The following TPD52L2 variants were observed in gnomAD, a reference collection of about 807,000 sequenced individuals.
The protein encoded by TPD52L2 is TPD52 like 2.
In TPD52L2, 19 loss-of-function variants were observed where a neutral mutation model predicts 24.7. The ratio of observed to expected loss-of-function variants is 0.77; its 90% CI spans 0.54 to 1.13. The LOEUF is 1.13. Ranked by LOEUF, TPD52L2 falls within the 50% of genes most tolerant of loss-of-function variation. The pLI, the probability that TPD52L2 is intolerant of heterozygous loss-of-function variation, is 0.00. For synonymous variants in TPD52L2, 104 were observed against 100.2 expected, an observed-to-expected ratio of 1.04 and a Z score of -0.23; for missense variants, 236 against 250.4, an observed-to-expected ratio of 0.94 and a Z score of 0.39.
At chr20:63,867,252 C>A (rs2052286562) in intron 1 of TPD52L2, among the ~76,000 whole-genome samples, 1 of 152,162 alleles carries the variant, frequency 6.6e-6, no homozygotes, top group South Asian at 2.1e-4. Context: ...TTGTGCCCAG[C>A]CTCATTTGTC....
At chr20:63,886,544 G>T (rs1432100328) in intron 5 of TPD52L2, among the ~76,000 whole-genome samples, 2 of 151,930 alleles carry the variant, frequency 1.3e-5, no homozygotes, top group Non-Finnish European at 2.9e-5. Flanking sequence ...TGTATTTTTA[G>T]TAGAGACGGG....
At position 63,889,132 on chromosome 20, in the gene TPD52L2, A is replaced by C. The variant is rs370329049; in HGVS notation, c.477-58A>C. The C allele has an allele frequency of 2.8e-3, 4,233 of 1,510,084 alleles. 8 individuals are homozygous for C. The highest frequency in any genetic ancestry group is 3.4e-3 in the Non-Finnish European group (3,722 of 1,087,900). 93.5% of individuals were successfully genotyped at this position (1,510,084 alleles called of 1,614,324 possible). A position where few individuals can be genotyped will look rare whatever the true frequency, so the allele number is the denominator to read the frequency against. On this transcript the variant is annotated intron_variant, in intron 5 of 6. Coordinates refer to ENST00000346249, the MANE Select transcript of TPD52L2 (RefSeq NM_003288.4). ...CCTAACCCTGAGGCCCTTCCGAGTTAGGAGAGCAGCACAACCCTCTCCTCT... is the reference window on the plus strand; with the variant it reads ...CCTAACCCTGAGGCCCTTCCGAGTTCGGAGAGCAGCACAACCCTCTCCTCT...
chr20:63,881,762 G>A (rs2052908539), intron 4 of TPD52L2, among the ~76,000 whole-genome samples: 1 of 152,228 alleles, frequency 6.6e-6, no homozygotes. Context: ...ACTGAGGGAG[G>A]AGCCGTGATA....
intron 1 of TPD52L2, 72 bp from the exon 2 acceptor site, chr20:63,869,224 C>A: frequency 6.3e-7 from 1 of 1,578,260 alleles, no homozygotes; most frequent in South Asian, 1.1e-5. Context: ...TTTTGTCCTG[C>A]TAGAGACCTC....
chr20:63,873,501 AAC>A (rs2052545440), intron 2 of TPD52L2, among the ~76,000 whole-genome samples, 165 bp from the exon 3 acceptor site: 1 of 152,000 alleles, frequency 6.6e-6, no homozygotes, highest in South Asian at 2.1e-4. Context: ...AAAAAAAAAA[AAC>A]CAAAACCCAA....
chr20:63,878,574 G>A (rs2052776911), intron 4 of TPD52L2, among the ~76,000 whole-genome samples: 1 of 152,214 alleles, frequency 6.6e-6, no homozygotes, highest in Admixed American at 6.5e-5. Flanking sequence ...GGCCCCATAT[G>A]GGTCTCCCTG....
chr20:63,875,450 A>G (rs1462956619), intron 3 of TPD52L2, among the ~76,000 whole-genome samples: 3 of 152,220 alleles, frequency 2.0e-5, no homozygotes, highest in Non-Finnish European at 1.5e-5. Context: ...CACATATGAG[A>G]GGCCCATGTT....
Position 63,890,184 on chromosome 20 carries a change from C to T in TPD52L2, c.*239C>T. On this transcript the variant is annotated 3_prime_UTR_variant, in exon 7 of 7. Coordinates refer to ENST00000346249, the MANE Select transcript of TPD52L2 (RefSeq NM_003288.4). The stretch of plus-strand genomic sequence containing the variant: ...TGAAACAGATCACTGTGCTGTCCTT[C>T]CTAGGGGTGCAGGAAGTGGACAGGG... The T allele has an allele frequency of 1.1e-6, 1 of 926,256 alleles. No homozygotes were observed. The highest frequency in any genetic ancestry group is 1.8e-5 in the South Asian group (1 of 56,144). The allele number at this position is 926,256 out of a possible 1,614,324, so 57.4% of individuals were successfully genotyped here.
At chr20:63,875,152 A>AAATATATATAT (rs1555873183) in intron 3 of TPD52L2, among the ~76,000 whole-genome samples, 2 of 141,736 alleles carry the variant, frequency 1.4e-5, no homozygotes, top group South Asian at 4.5e-4. Context: ...AAAAAAAAAA[A>AAATATATATAT]ATATATATAT....
intron 3 of TPD52L2, 67 bp from the exon 4 acceptor site, chr20:63,875,749 C>A: frequency 6.6e-7 from 1 of 1,524,908 alleles, no homozygotes; most frequent in Non-Finnish European, 9.1e-7. Context: ...TGGAACTTCA[C>A]CTGCAGTTTG....
intron 5 of TPD52L2, among the ~76,000 whole-genome samples, chr20:63,886,461 C>G (rs917302017): frequency 1.4e-5 from 2 of 143,202 alleles, no homozygotes; most frequent in Non-Finnish European, 2.9e-5. Context: ...CCCGGGTTCA[C>G]GCCATTCTCC....
intron 2 of TPD52L2, among the ~76,000 whole-genome samples, chr20:63,870,169 ATCT>A (rs1337870257): frequency 2.6e-5 from 4 of 152,252 alleles, no homozygotes; most frequent in Non-Finnish European, 5.9e-5. Flanking sequence ...TATTTATGTG[ATCT>A]TCTTTAAGTG....
At chr20:63,876,691 G>A (rs551760034) in intron 4 of TPD52L2, 7 of 443,342 alleles carry the variant, frequency 1.6e-5, no homozygotes, top group Non-Finnish European at 2.7e-5. Context: ...AGTTGCTGCC[G>A]AGCTTGTCTT....
chr20:63,885,410 GAGTGGGCCTGGCTGCAGTGAGTGGCAGC>G (rs2053055533), intron 5 of TPD52L2, among the ~76,000 whole-genome samples: 1 of 152,260 alleles, frequency 6.6e-6, no homozygotes, highest in East Asian at 1.9e-4. Flanking sequence ...CTCCATGTCA[GAGTGGGCCTGGCTGCAGTGAGTGGCAGC>G]AGCTGCCCTT....
At chr20:63,886,179 A>T (rs1354883327) in intron 5 of TPD52L2, 1 of 859,934 alleles carries the variant, frequency 1.2e-6, no homozygotes, top group Non-Finnish European at 1.9e-6. Context: ...CAGCAGTGCC[A>T]GCCAGGTGGT....
In TPD52L2 at chr20:63,875,895, G is replaced by T. The variant is rs910512703; in HGVS notation, c.374+20G>T. 6.2e-7 allele frequency: 1 copy of T among 1,613,324 alleles called. No homozygotes were observed. The highest frequency in any genetic ancestry group is 8.5e-7 in the Non-Finnish European group (1 of 1,179,432). ...AGACCTGTGAGTGCCTGTATCATCA[G>T]CACCTCCTCCTTCCTCCTCTCCGCC... On this transcript the variant is annotated intron_variant, in intron 4 of 6. Transcript: ENST00000346249.
At chr20:63,872,987 A>G (rs1347563252) in intron 2 of TPD52L2, among the ~76,000 whole-genome samples, 4 of 150,794 alleles carry the variant, frequency 2.7e-5, no homozygotes, top group Non-Finnish European at 5.9e-5. Context: ...TGCTGGGATT[A>G]CAGGCATGCG....
rs768673509 is a variant in TPD52L2, at chr20:63,887,652, T to G, written c.477-1538T>G. On this transcript the variant is annotated intron_variant, in intron 5 of 6. Coordinates refer to ENST00000346249, the MANE Select transcript of TPD52L2 (RefSeq NM_003288.4). The stretch of plus-strand genomic sequence containing the variant: ...CGGCTCCAGAGCCGGGTGTCTCTGG[T>G]GGGGGTTGGGGCAGCTCCCGCCGGT... 1.9e-6 allele frequency: 3 copies of G among 1,588,242 alleles called. No individual in the cohort carries two copies. In the African/African-American group the frequency reaches 4.0e-5, roughly 21 times the overall value.
intron 3 of TPD52L2, among the ~76,000 whole-genome samples, chr20:63,875,383 G>A (rs951230686): frequency 6.6e-6 from 1 of 152,072 alleles, no homozygotes; most frequent in Non-Finnish European, 1.5e-5. Flanking sequence ...GCTGTGGAAT[G>A]TTTCCCAGAA....
Sources: allele counts gnomAD v4.1 joint callset (sites outside exome capture counted in the v4.1 genomes callset), GRCh38; gene constraint gnomAD v4.1.1; transcripts MANE v1.5; gene names NCBI Gene and HGNC (gene_info 2026-07-23, HGNC 2026-07-21).